Variants in MEP1B observed in about 807,000 individuals in gnomAD.
MEP1B encodes the protein meprin A subunit beta, also known as N-benzoyl-L-tyrosyl-P-amino-benzoic acid hydrolase subunit beta.
MEP1B carries 80 observed loss-of-function variants against 84.6 expected under a neutral mutation model. That is an observed-to-expected ratio of 0.95 (90% CI 0.79 to 1.14). The LOEUF is 1.14. Among genes scored for constraint, MEP1B ranks in the 50% most tolerant of loss-of-function variants. The pLI is 0.00. For missense variants in MEP1B, 766 were observed against 855.1 expected, an observed-to-expected ratio of 0.90 and a Z score of 1.30; for synonymous variants, 273 against 288.1, an observed-to-expected ratio of 0.95 and a Z score of 0.53.
rs774381249 is a variant in MEP1B, at chr18:32,207,377, G to T, written c.673G>T (p.Val225Phe). Residue 225 changes from valine (V) to phenylalanine (F), a missense_variant, in exon 8 of 15, where the codon GTC becomes TTC. Val to Phe is a conservative substitution (Grantham distance 50, BLOSUM62 -1). Transcript: ENST00000269202. ...CCAAAATGGAACAGAGCCGACAATTGTCACAAGAATCTCAGACTTTGAGGA... is the reference window on the plus strand; with the variant it reads ...CCAAAATGGAACAGAGCCGACAATTTTCACAAGAATCTCAGACTTTGAGGA... ...AFQNGTEPTI[V>F]TRISDFEDVI... 2 of 1,613,392 alleles carry T rather than the reference G, an allele frequency of 1.2e-6. No individual in the cohort carries two copies. The highest frequency in any genetic ancestry group is 1.3e-5 in the African/African-American group (1 of 75,050).
At chr18:32,204,107 AGGCAGT>A (rs2144401236) in intron 6 of MEP1B, 69 bp from the exon 7 acceptor site, 2 of 1,261,932 alleles carry the variant, frequency 1.6e-6, no homozygotes, top group African/African-American at 3.0e-5. Flanking sequence ...GAAGTGGACT[AGGCAGT>A]GGCGATTCTG....
chr18:32,203,969 A>C lies in MEP1B; in HGVS notation c.369-213A>C, dbSNP rs547431342. Among the ~76,000 whole-genome samples the C allele has an allele frequency of 5.7e-4, 87 of 152,304 alleles. No individual in the cohort carries two copies. The Middle Eastern group carries it at 0.027, about 48-fold the overall frequency. ...ATACCTCCCATGAGGTCCCACCTCC[A>C]GCACTGGGAATTACAGTTCAACATG... On this transcript the variant is annotated intron_variant, in intron 6 of 14. Transcript: ENST00000269202.
chr18:32,202,157 A>G (rs1209923248), intron 5 of MEP1B, among the ~76,000 whole-genome samples: 1 of 152,174 alleles, frequency 6.6e-6, no homozygotes, highest in African/African-American at 2.4e-5. Context: ...CCTCTGCCAT[A>G]CTGTCTCCCA....
chr18:32,217,693 C>A, intron 13 of MEP1B, 68 bp from the exon 14 acceptor site: 2 of 1,307,690 alleles, frequency 1.5e-6, no homozygotes, highest in Non-Finnish European at 2.2e-6. Context: ...TGATCCACAT[C>A]TTTAACTGTG....
chr18:32,216,540 C>G (rs2041091286), intron 12 of MEP1B, among the ~76,000 whole-genome samples: 1 of 152,226 alleles, frequency 6.6e-6, no homozygotes, highest in African/African-American at 2.4e-5. Flanking sequence ...CCTTATCTGT[C>G]TCTTGAAAGT....
chr18:32,201,028 G>A (rs1332147725), intron 5 of MEP1B, among the ~76,000 whole-genome samples: 1 of 152,114 alleles, frequency 6.6e-6, no homozygotes, highest in Non-Finnish European at 1.5e-5. Flanking sequence ...GTAAATAAAG[G>A]CATATGGAAA....
In MEP1B at chr18:32,213,488, A is replaced by G. The variant is rs370188648; in HGVS notation, c.1508A>G (p.Asp503Gly). 26 of 1,613,826 alleles carry G rather than the reference A, an allele frequency of 1.6e-5. No individual in the cohort carries two copies. The highest frequency in any genetic ancestry group is 2.0e-5 in the Non-Finnish European group (24 of 1,179,888). ...PWQQATMTLL[D>G]QNPDIRQRMS... Reference sequence around the variant, plus strand: ...CAACAAGCCACAATGACACTTTTGGATCAAAATCCTGACATTCGACAGCGT... The same window carrying G: ...CAACAAGCCACAATGACACTTTTGGGTCAAAATCCTGACATTCGACAGCGT... Residue 503 changes from aspartate to glycine, a missense_variant, in exon 11 of 15, where the codon GAT (aspartate) becomes GGT (glycine). Coordinates refer to ENST00000269202, the MANE Select transcript of MEP1B (RefSeq NM_005925.3).
intron 5 of MEP1B, among the ~76,000 whole-genome samples, chr18:32,197,304 G>A (rs2040865041): frequency 6.6e-6 from 1 of 152,126 alleles, no homozygotes; most frequent in South Asian, 2.1e-4. Flanking sequence ...TAGTGGCAAT[G>A]ATGCCACTGA....
At chr18:32,195,286 AC>A in intron 4 of MEP1B, 120 bp from the exon 5 acceptor site, 1 of 649,766 alleles carries the variant, frequency 1.5e-6, no homozygotes, top group Non-Finnish European at 2.8e-6. Flanking sequence ...ACACACACAC[AC>A]ACAATTTGTT....
intron 8 of MEP1B, among the ~76,000 whole-genome samples, chr18:32,207,893 T>TA (rs955597542): frequency 6.6e-6 from 1 of 152,158 alleles, no homozygotes; most frequent in Non-Finnish European, 1.5e-5. Context: ...AAATTTTTTT[T>TA]AAAAAAGACT....
rs1263162444 is a variant in MEP1B at position 32,215,108 on chromosome 18, C to T, written c.1606C>T (p.Pro536Ser). The T allele has an allele frequency of 6.3e-7, 1 of 1,599,604 alleles. No homozygotes were observed. Residue 536 changes from proline to serine, a missense_variant, in exon 12 of 15, where the codon CCT becomes TCT. Physicochemically the swap from Pro to Ser is moderately conservative, Grantham distance 74 (BLOSUM62 -1). Transcript: ENST00000269202. ...TAATGGAAACTATTTCTGGGACAGG[C>T]CTTCTAAAGTGGGAACAGTGGCTTT... ...TDNGNYFWDRPSKVGTVALFS... is the reference protein window; with the variant it reads ...TDNGNYFWDRSSKVGTVALFS...
intron 4 of MEP1B, among the ~76,000 whole-genome samples, chr18:32,193,747 C>T (rs1451566795): frequency 6.6e-6 from 1 of 152,164 alleles, no homozygotes; most frequent in Non-Finnish European, 1.5e-5. Context: ...TAAGCACCAA[C>T]ATCCCTCACA....
At chr18:32,205,267 A>AT (rs2040953203) in intron 7 of MEP1B, among the ~76,000 whole-genome samples, 1 of 152,128 alleles carries the variant, frequency 6.6e-6, no homozygotes, top group Non-Finnish European at 1.5e-5. Flanking sequence ...ACTGTTTGTG[A>AT]TTTTGTGTTC....
chr18:32,196,173 C>T lies in MEP1B; in HGVS notation c.250+688C>T, dbSNP rs888980007. On this transcript the variant is annotated intron_variant, in intron 5 of 14. Coordinates refer to ENST00000269202, the MANE Select transcript of MEP1B (RefSeq NM_005925.3). The surrounding 1 kb of genome is among the most constrained non-coding windows in gnomAD (Gnocchi z 4.4). ...TGGCCTTCTGGAGCTGGTGTCACTGCGCCACCTCGGCTTTCAGACTCTCCA... is the reference window on the plus strand; with the variant it reads ...TGGCCTTCTGGAGCTGGTGTCACTGTGCCACCTCGGCTTTCAGACTCTCCA... The T allele has an allele frequency of 9.8e-5, 61 of 625,446 alleles. No homozygotes were observed. The highest frequency in any genetic ancestry group is 1.3e-4 in the African/African-American group (7 of 55,226). 38.7% of individuals were successfully genotyped at this position (625,446 alleles called of 1,614,324 possible). A position where few individuals can be genotyped will look rare whatever the true frequency, so the allele number is the denominator to read the frequency against.
At chr18:32,203,425 A>C (rs1346756213) in intron 6 of MEP1B, among the ~76,000 whole-genome samples, 1 of 152,162 alleles carries the variant, frequency 6.6e-6, no homozygotes, top group Non-Finnish European at 1.5e-5. Flanking sequence ...AGCAATTCTG[A>C]GTGGTTGCTG....
chr18:32,194,636 C>T (rs1459473330), intron 4 of MEP1B, among the ~76,000 whole-genome samples: 1 of 152,176 alleles, frequency 6.6e-6, no homozygotes, highest in Non-Finnish European at 1.5e-5. Context: ...AATGTTCCCT[C>T]TGCCTGAAAC....
intron 12 of MEP1B, among the ~76,000 whole-genome samples, chr18:32,215,823 C>CAAAAAAAAAAA (rs974477785): frequency 2.0e-5 from 3 of 151,326 alleles, no homozygotes; most frequent in African/African-American, 7.3e-5. Flanking sequence ...GACTCCGTCT[C>CAAAAAAAAAAA]AAAAAAAGAA....
chr18:32,207,496 C>A, intron 8 of MEP1B, 26 bp downstream of exon 8: 1 of 1,501,742 alleles, frequency 6.7e-7, no homozygotes, highest in Non-Finnish European at 9.2e-7. Flanking sequence ...TTTGAAATGA[C>A]TTATATTTTC....
At chr18:32,191,935 A>G (rs1376421916) in intron 2 of MEP1B, 95 bp downstream of exon 2, 2 of 735,136 alleles carry the variant, frequency 2.7e-6, no homozygotes, top group Non-Finnish European at 4.6e-6. Context: ...TAATTGATGC[A>G]TAATTGCATT....
Sources: gnomAD v4.1 joint callset for allele counts (sites outside exome capture counted in the v4.1 genomes callset) on GRCh38, gnomAD v4.1.1 for gene constraint, Gnocchi (gnomAD v3.1) non-coding constraint, MANE v1.5 for transcripts, NCBI Gene and HGNC (gene_info 2026-07-23, HGNC 2026-07-21) for gene names.